Variants in LPAR3 observed in about 807,000 individuals in gnomAD.
LPAR3 encodes lysophosphatidic acid receptor 3.
LPAR3 carries 7 observed loss-of-function variants against 17.8 expected under a neutral mutation model. The observed-to-expected ratio is 0.39, with a 90% CI of 0.22 to 0.74. LPAR3 has a LOEUF of 0.74. Among genes scored for constraint, LPAR3 ranks in the 30% least tolerant of loss-of-function variants. The probability of loss-of-function intolerance (pLI) is 0.40; values close to 1 mark genes in which losing one functional copy is unlikely to be tolerated. For synonymous variants in LPAR3, 179 were observed against 179.9 expected (o/e 0.99, Z 0.04); for missense variants, 391 against 453.4 (o/e 0.86, Z 1.25).
intron 2 of LPAR3, among the ~76,000 whole-genome samples, chr1:84,854,547 C>T (rs1194255557): frequency 6.6e-6 from 1 of 152,156 alleles, no homozygotes; most frequent in Admixed American, 6.5e-5. Context: ...GTGACACAAC[C>T]GTTGACTCAT....
chr1:84,865,769 T>C lies in LPAR3; in HGVS notation c.352A>G (p.Thr118Ala). The C allele has an allele frequency of 6.2e-7, 1 of 1,614,136 alleles. No individual in the cohort carries two copies. Among genetic ancestry groups the C allele is most frequent in the East Asian group, 2.2e-5 (1 of 44,880 alleles). The change falls in exon 2 of 3, where the codon ACC (threonine) becomes GCC (alanine). Residue 118 changes from threonine (T) to alanine (A), a missense_variant. By Grantham distance (58) the Thr-to-Ala change is moderately conservative. Coordinates refer to ENST00000370611, the MANE Select transcript of LPAR3 (RefSeq NM_012152.3). ...LLDSSLTASL[T>A]NLLVIAVERH... is the part of the protein sequence containing the mutation. Reference sequence around the variant, plus strand: ...TCCACGGCGATAACCAGCAAGTTGGTGAGGGAAGCAGTCAAGCTACTGTCC... The same window carrying C: ...TCCACGGCGATAACCAGCAAGTTGGCGAGGGAAGCAGTCAAGCTACTGTCC...
intron 2 of LPAR3, among the ~76,000 whole-genome samples, chr1:84,861,501 C>T (rs961624074): frequency 6.6e-6 from 1 of 152,140 alleles, no homozygotes; most frequent in Non-Finnish European, 1.5e-5. Context: ...AACTTTGTAA[C>T]TTGTAAAGAA....
At chr1:84,843,213 T>C (rs543770918) in intron 2 of LPAR3, among the ~76,000 whole-genome samples, 1 of 152,254 alleles carries the variant, frequency 6.6e-6, no homozygotes. Flanking sequence ...TCTTCTTTTG[T>C]TCCTGTCCTC....
chr1:84,876,154 C>T (rs1660252892), intron 1 of LPAR3, among the ~76,000 whole-genome samples: 1 of 152,200 alleles, frequency 6.6e-6, no homozygotes. Flanking sequence ...AAGCAGCATC[C>T]ATCACTGGAG....
chr1:84,892,187 C>T (rs984264215), intron 1 of LPAR3, among the ~76,000 whole-genome samples: 3 of 149,884 alleles, frequency 2.0e-5, no homozygotes, highest in Admixed American at 1.3e-4. Context: ...CACTCCAGCC[C>T]GGATGATAGT....
intron 1 of LPAR3, among the ~76,000 whole-genome samples, chr1:84,890,039 C>T (rs1660524504): frequency 6.6e-6 from 1 of 152,184 alleles, no homozygotes; most frequent in Non-Finnish European, 1.5e-5. Context: ...TCTAGTCCAC[C>T]GTTTGTAAAA....
intron 1 of LPAR3, among the ~76,000 whole-genome samples, chr1:84,884,765 GTAA>G (rs1315802406): frequency 6.6e-6 from 1 of 152,192 alleles, no homozygotes; most frequent in East Asian, 1.9e-4. Flanking sequence ...AGAAAGACAA[GTAA>G]TAACCTGGTA....
chr1:84,835,221 A>C (rs1181311047), intron 2 of LPAR3, among the ~76,000 whole-genome samples: 1 of 152,184 alleles, frequency 6.6e-6, no homozygotes, highest in Non-Finnish European at 1.5e-5. Flanking sequence ...CCGTGGACTG[A>C]TCTGTTTCCA....
At chr1:84,875,977 T>G (rs1660248809) in intron 1 of LPAR3, among the ~76,000 whole-genome samples, 1 of 152,224 alleles carries the variant, frequency 6.6e-6, no homozygotes, top group Non-Finnish European at 1.5e-5. Context: ...AGTGCCTGTC[T>G]GAATCCTCAA....
intron 1 of LPAR3, among the ~76,000 whole-genome samples, chr1:84,882,855 A>C (rs1184060390): frequency 6.6e-6 from 1 of 152,246 alleles, no homozygotes; most frequent in Non-Finnish European, 1.5e-5. Flanking sequence ...ATAGATACTC[A>C]CATGCAAAAG....
intron 2 of LPAR3, among the ~76,000 whole-genome samples, chr1:84,831,746 AG>A (rs1659287507): frequency 6.6e-6 from 1 of 151,248 alleles, no homozygotes; most frequent in Admixed American, 6.6e-5. Context: ...CTTCTGTTCT[AG>A]GTTATAATAA....
chr1:84,837,652 T>C (rs896981178), intron 2 of LPAR3, among the ~76,000 whole-genome samples: 3 of 152,236 alleles, frequency 2.0e-5, no homozygotes, highest in African/African-American at 7.2e-5. Context: ...GTAAGTTTGT[T>C]GACACTGAAA....
intron 1 of LPAR3, among the ~76,000 whole-genome samples, chr1:84,886,036 G>T (rs186535093): frequency 4.6e-5 from 7 of 152,258 alleles, no homozygotes; most frequent in Admixed American, 3.9e-4. Context: ...TCCTCTGAGA[G>T]ATCTAGAAGC....
chr1:84,822,201 T>A (rs1417601141), intron 2 of LPAR3, among the ~76,000 whole-genome samples: 1 of 152,200 alleles, frequency 6.6e-6, no homozygotes, highest in Non-Finnish European at 1.5e-5. Context: ...AGAAGCAATT[T>A]TTTTTTATTT....
At chr1:84,892,682 G>C (rs901191534) in intron 1 of LPAR3, among the ~76,000 whole-genome samples, 2 of 152,246 alleles carry the variant, frequency 1.3e-5, no homozygotes, top group Admixed American at 1.3e-4. Context: ...AACCACGTGT[G>C]CAAAGGCAGA....
At chr1:84,823,013 G>A (rs576668958) in intron 2 of LPAR3, among the ~76,000 whole-genome samples, 1 of 152,248 alleles carries the variant, frequency 6.6e-6, no homozygotes, top group Admixed American at 6.5e-5. Flanking sequence ...AAAAGCAGCA[G>A]GGCACAAGCA....
chr1:84,876,994 C>T (rs1408822414), intron 1 of LPAR3, among the ~76,000 whole-genome samples: 2 of 152,194 alleles, frequency 1.3e-5, no homozygotes, highest in Non-Finnish European at 2.9e-5. Flanking sequence ...TTACTGCATA[C>T]TGGAATCTAC....
intron 2 of LPAR3, among the ~76,000 whole-genome samples, chr1:84,860,206 C>A (rs772496780): frequency 3.2e-4 from 48 of 152,186 alleles, no homozygotes; most frequent in Non-Finnish European, 6.3e-4. Flanking sequence ...ACATCACCAT[C>A]ATCACTACCA....
intron 2 of LPAR3, among the ~76,000 whole-genome samples, chr1:84,857,681 C>T (rs922886798): frequency 3.9e-5 from 6 of 152,188 alleles, no homozygotes; most frequent in African/African-American, 1.2e-4. Context: ...AAGTTATAAA[C>T]TTCATGACTT....
Sources: gnomAD v4.1 joint callset for allele counts (sites outside exome capture counted in the v4.1 genomes callset) on GRCh38, gnomAD v4.1.1 for gene constraint, MANE v1.5 for transcripts, NCBI Gene and HGNC (gene_info 2026-07-23, HGNC 2026-07-21) for gene names.